The following STRBP variants were observed in gnomAD, a reference collection of about 807,000 sequenced individuals.
STRBP encodes spermatid perinuclear RNA binding protein.
Under a neutral mutation model 80.1 loss-of-function variants are expected in STRBP, and 13 were observed. The ratio of observed to expected loss-of-function variants is 0.16; its 90% CI spans 0.11 to 0.26. The LOEUF (loss-of-function observed/expected upper bound fraction) is 0.26, where lower values mean the gene tolerates loss of function less well. STRBP is among the 10% of genes least tolerant of loss of function. The pLI is 1.00. For synonymous variants in STRBP, 284 were observed against 291.2 expected (o/e 0.98, Z 0.25); for missense variants, 485 against 815.2 (o/e 0.59, Z 4.93).
At chr9:123,125,768 C>A (rs910633854) in intron 18 of STRBP, 95 bp from the exon 19 acceptor site, 45 of 969,308 alleles carry the variant, frequency 4.6e-5, no homozygotes, top group Admixed American at 7.0e-5. Context: ...TTATCATTAA[C>A]CTTTTCCAGA....
At chr9:123,168,058 C>A (rs2037845783) in intron 6 of STRBP, 3 of 226,730 alleles carry the variant, frequency 1.3e-5, no homozygotes, top group Admixed American at 1.3e-4. Flanking sequence ...ATGTAATTAA[C>A]TTAGCCTTTG....
Position 123,122,655 on chromosome 9 carries a change from C to T in STRBP, c.*2942G>A, listed in dbSNP as rs1344672080. On this transcript the variant is annotated 3_prime_UTR_variant, in exon 19 of 19. Transcript: ENST00000348403. ...CACAAGAGATGGGGTACTCCTGCAG[C>T]CTGAAGAAACACAAGCTGCAAGCCA... 2.0e-6 allele frequency: 2 copies of T among 1,020,492 alleles called. No individual in the cohort carries two copies. Among genetic ancestry groups the T allele is most frequent in the Non-Finnish European group, 2.3e-6 (2 of 852,702 alleles). 63.2% of individuals were successfully genotyped at this position (1,020,492 alleles called of 1,614,324 possible). A position where few individuals can be genotyped will look rare whatever the true frequency, so the allele number is the denominator to read the frequency against.
Position 123,239,037 on chromosome 9 carries a change from C to T in STRBP, c.-301-2071G>A, listed in dbSNP as rs188338700. ...GCAGTGGCAGTAACATTTATGCTTT[C>T]CTGCCCCTAAAAATAAAAATACATA... On this transcript the variant is annotated intron_variant, in intron 1 of 18. Coordinates refer to ENST00000348403, the MANE Select transcript of STRBP (RefSeq NM_018387.5). Among the ~76,000 whole-genome samples, 515 of 152,192 alleles carry T rather than the reference C, an allele frequency of 3.4e-3. 1 individual carries two copies. Among genetic ancestry groups the T allele is most frequent in the Middle Eastern group, 6.8e-3 (2 of 294 alleles).
Position 123,124,211 on chromosome 9 carries a change from T to C in STRBP, c.*1386A>G. 1 of 985,384 alleles carries C rather than the reference T, an allele frequency of 1.0e-6. No individual in the cohort carries two copies. Among genetic ancestry groups the C allele is most frequent in the African/African-American group, 1.7e-5 (1 of 57,340 alleles). 61.0% of individuals were successfully genotyped at this position (985,384 alleles called of 1,614,324 possible). On this transcript the variant is annotated 3_prime_UTR_variant, in exon 19 of 19. Coordinates refer to ENST00000348403, the MANE Select transcript of STRBP (RefSeq NM_018387.5). Reference sequence around the variant, plus strand: ...TCAAGTTCCCAAAAGCAGAACTGAATAGGGAAAATGAAAGCTAATTCATAC... The same window carrying C: ...TCAAGTTCCCAAAAGCAGAACTGAACAGGGAAAATGAAAGCTAATTCATAC...
At chr9:123,111,951 T>C (rs189115875) in intron 3 of STRBP, 1 of 183,776 alleles carries the variant, frequency 5.4e-6, no homozygotes, top group African/African-American at 2.4e-5. Flanking sequence ...CCTGACCTGA[T>C]TATCAGAGAT....
intron 13 of STRBP, among the ~76,000 whole-genome samples, chr9:123,140,461 G>T (rs895048552): frequency 6.6e-6 from 1 of 152,156 alleles, no homozygotes; most frequent in Non-Finnish European, 1.5e-5. Flanking sequence ...GGGTGTGGCG[G>T]TGCATGCCTG....
At chr9:123,160,559 T>C in intron 7 of STRBP, 97 bp from the exon 8 acceptor site, 2 of 766,952 alleles carry the variant, frequency 2.6e-6, no homozygotes, top group Non-Finnish European at 3.6e-6. Context: ...AAATTATTCA[T>C]CAGTTATCAG....
intron 13 of STRBP, among the ~76,000 whole-genome samples, chr9:123,142,465 G>A (rs1190289100): frequency 2.0e-5 from 3 of 152,090 alleles, no homozygotes; most frequent in Admixed American, 2.0e-4. Flanking sequence ...CCAGTCTCAG[G>A]TACTTCTTTA....
In STRBP at chr9:123,125,351, A is replaced by G; in HGVS notation, c.*246T>C. 2 of 1,186,612 alleles carry G rather than the reference A, an allele frequency of 1.7e-6. No homozygotes were observed. The highest frequency in any genetic ancestry group is 2.1e-6 in the Non-Finnish European group (2 of 958,966). 73.5% of individuals were successfully genotyped at this position (1,186,612 alleles called of 1,614,324 possible). A position where few individuals can be genotyped will look rare whatever the true frequency, so the allele number is the denominator to read the frequency against. ...TGCTAGACTTTTATTTCCCTAGAACAGAAGGGCTGGTATAAGTTATTTTCC... is the reference window on the plus strand; with the variant it reads ...TGCTAGACTTTTATTTCCCTAGAACGGAAGGGCTGGTATAAGTTATTTTCC... On this transcript the variant is annotated 3_prime_UTR_variant, in exon 19 of 19. Transcript: ENST00000348403.
At chr9:123,154,604 A>G (rs1418662550) in intron 11 of STRBP, among the ~76,000 whole-genome samples, 2 of 152,168 alleles carry the variant, frequency 1.3e-5, no homozygotes, top group Non-Finnish European at 2.9e-5. Context: ...GTACTTTTCT[A>G]TATATGTGCT....
intron 1 of STRBP, among the ~76,000 whole-genome samples, chr9:123,268,121 C>T (rs1435332453): frequency 2.0e-5 from 3 of 151,866 alleles, no homozygotes; most frequent in African/African-American, 7.2e-5. Flanking sequence ...ACCGCGTCCC[C>T]CAACCCTGCC....
chr9:123,124,135 G>T lies in STRBP; in HGVS notation c.*1462C>A, dbSNP rs1465961365. The stretch of plus-strand genomic sequence containing the variant: ...TATTTAGTGGTCCCGAAGGAATTTG[G>T]TACATACATTTGCCATATTTTGTGA... On this transcript the variant is annotated 3_prime_UTR_variant, in exon 19 of 19. Transcript: ENST00000348403. The T allele has an allele frequency of 1.0e-6, 1 of 985,380 alleles. No individual in the cohort carries two copies. Among genetic ancestry groups the T allele is most frequent in the Non-Finnish European group, 1.2e-6 (1 of 829,906 alleles). 61.0% of individuals were successfully genotyped at this position (985,380 alleles called of 1,614,324 possible).
At chr9:123,198,577 T>C (rs893393107) in intron 2 of STRBP, among the ~76,000 whole-genome samples, 1 of 152,206 alleles carries the variant, frequency 6.6e-6, no homozygotes, top group African/African-American at 2.4e-5. Flanking sequence ...TATTATTTCT[T>C]TTGCAGAAGC....
At position 123,126,448 on chromosome 9, in the gene STRBP, T is replaced by C. The variant is rs2035896829; in HGVS notation, c.1943-775A>G. Among the ~76,000 whole-genome samples, 3 of 152,078 alleles carry C rather than the reference T, an allele frequency of 2.0e-5. No individual in the cohort carries two copies. In the South Asian group the frequency reaches 6.2e-4, roughly 32 times the overall value. ...ACATTTAAAAACCAAATCTTTTATGTGAAAAATGGGGGCATCAAATTTCAC... is the reference window on the plus strand; with the variant it reads ...ACATTTAAAAACCAAATCTTTTATGCGAAAAATGGGGGCATCAAATTTCAC... On this transcript the variant is annotated intron_variant, in intron 18 of 18. Coordinates refer to ENST00000348403, the MANE Select transcript of STRBP (RefSeq NM_018387.5). The surrounding 1 kb of genome is among the most constrained non-coding windows in gnomAD (Gnocchi z 4.4).
At chr9:123,213,292 CAAG>C (rs1364959572) in intron 2 of STRBP, among the ~76,000 whole-genome samples, 1 of 152,180 alleles carries the variant, frequency 6.6e-6, no homozygotes, top group African/African-American at 2.4e-5. Flanking sequence ...TTCTCCAATT[CAAG>C]AAGAATCCTG....
chr9:123,251,827 T>C (rs2040923592), intron 1 of STRBP, among the ~76,000 whole-genome samples: 2 of 152,208 alleles, frequency 1.3e-5, no homozygotes, highest in South Asian at 4.1e-4. Context: ...AAATACACTA[T>C]AAGCATTTAG....
chr9:123,227,574 T>C (rs1286378886), intron 2 of STRBP, among the ~76,000 whole-genome samples: 1 of 147,138 alleles, frequency 6.8e-6, no homozygotes, highest in African/African-American at 2.5e-5. Flanking sequence ...TTTCTTTTTT[T>C]TTTTTTTTTG....
chr9:123,217,592 T>C (rs912625272), intron 2 of STRBP, among the ~76,000 whole-genome samples: 1 of 152,228 alleles, frequency 6.6e-6, no homozygotes, highest in Admixed American at 6.5e-5. Context: ...CTTAAAGGCA[T>C]ATTCTCTTGT....
At chr9:123,263,326 G>A (rs889461146) in intron 1 of STRBP, among the ~76,000 whole-genome samples, 2 of 151,982 alleles carry the variant, frequency 1.3e-5, no homozygotes, top group Non-Finnish European at 2.9e-5. Context: ...AGATCAGCCT[G>A]GGCAACACAG....
Sources: allele counts gnomAD v4.1 joint callset (sites outside exome capture counted in the v4.1 genomes callset), GRCh38; gene constraint gnomAD v4.1.1; non-coding constraint Gnocchi (gnomAD v3.1); transcripts MANE v1.5; gene names NCBI Gene and HGNC (gene_info 2026-07-23, HGNC 2026-07-21).